PCDHA1: variants seen among roughly 807,000 people sequenced by gnomAD.
The protein encoded by PCDHA1 is protocadherin alpha 1.
A neutral mutation model predicts 61.3 loss-of-function variants in PCDHA1; 42 were observed. That is an observed-to-expected ratio of 0.69 (90% CI 0.54 to 0.89). The LOEUF (loss-of-function observed/expected upper bound fraction) is 0.89. Among genes scored for constraint, PCDHA1 ranks in the 40% least tolerant of loss-of-function variants. The probability of loss-of-function intolerance (pLI) is 0.00; values close to 1 mark genes in which losing one functional copy is unlikely to be tolerated. For missense variants in PCDHA1, 1,256 were observed against 1,235.3 expected (o/e 1.02, Z -0.25); for synonymous variants, 610 against 553.8 (o/e 1.10, Z -1.43).
At position 140,788,065 on chromosome 5, in the gene PCDHA1, C is replaced by A; in HGVS notation, c.1775C>A (p.Ala592Glu). 1 of 1,613,944 alleles carries A rather than the reference C, an allele frequency of 6.2e-7. No homozygotes were observed. Among genetic ancestry groups the A allele is most frequent in the Non-Finnish European group, 8.5e-7 (1 of 1,179,902 alleles). ...PRLVGAGHVV[A>E]KVRAVDADSG... ...TTGGTGGGTGCGGGTCATGTGGTGG[C>A]GAAGGTGCGCGCAGTGGACGCCGAC... is the stretch of plus-strand genomic sequence containing the variant. Residue 592 changes from alanine (A) to glutamate (E), a missense_variant, in exon 1 of 4, where the codon GCG (alanine) becomes GAG (glutamate). Ala to Glu is a moderately radical substitution (Grantham distance 107). Transcript: ENST00000504120.
chr5:140,906,720 G>A (rs2072884338), intron 1 of PCDHA1, among the ~76,000 whole-genome samples: 1 of 152,182 alleles, frequency 6.6e-6, no homozygotes, highest in African/African-American at 2.4e-5. Context: ...CCTGGATTGT[G>A]CTGTTGTAGT....
chr5:140,882,966 T>C (rs201472469), intron 1 of PCDHA1: 3 of 1,614,202 alleles, frequency 1.9e-6, no homozygotes, highest in Non-Finnish European at 8.5e-7. Context: ...ATCACGATTC[T>C]GGACGTGAAT....
At chr5:140,857,806 G>A (rs1554150689) in intron 1 of PCDHA1, 2 of 1,597,702 alleles carry the variant, frequency 1.3e-6, no homozygotes, top group African/African-American at 1.3e-5. Flanking sequence ...CGGTGGTTGC[G>A]GGTCACGTGG....
intron 1 of PCDHA1, among the ~76,000 whole-genome samples, chr5:140,913,939 A>G (rs1175115466): frequency 1.3e-5 from 2 of 152,116 alleles, no homozygotes. Flanking sequence ...TCAGAGAAGA[A>G]TCTTGATATG....
rs1451679036 is a variant in PCDHA1, at chr5:140,876,215, A to C, written c.2394+87531A>C. On this transcript the variant is annotated intron_variant, in intron 1 of 3. Coordinates refer to ENST00000504120, the MANE Select transcript of PCDHA1 (RefSeq NM_018900.4). ...CCGGCGTTTGATAAGCCCAGCTATA[A>C]AGTAGTGTTGTCTGAAAATGTCCAA... The C allele has an allele frequency of 1.2e-6, 2 of 1,613,890 alleles. No homozygotes were observed. The highest frequency in any genetic ancestry group is 1.7e-6 in the Non-Finnish European group (2 of 1,179,898).
At chr5:140,902,203 C>CTTTTTT (rs148688132) in intron 1 of PCDHA1, among the ~76,000 whole-genome samples, 15 of 124,432 alleles carry the variant, frequency 1.2e-4, no homozygotes, top group Non-Finnish European at 2.0e-4. Flanking sequence ...CTCTCTCTTT[C>CTTTTTT]TTTTTTTTTT....
intron 1 of PCDHA1, among the ~76,000 whole-genome samples, chr5:140,819,727 T>C (rs1196998494): frequency 6.6e-6 from 1 of 152,070 alleles, no homozygotes; most frequent in African/African-American, 2.4e-5. Flanking sequence ...TTAACAGATA[T>C]GAAAGTGAAT....
At chr5:140,968,683 A>G (rs782664501) in intron 1 of PCDHA1, 7 of 1,614,164 alleles carry the variant, frequency 4.3e-6, no homozygotes. Flanking sequence ...AGCTGCACAC[A>G]GGAGAAATTA....
chr5:140,999,678 G>A (rs1204037119), intron 3 of PCDHA1, among the ~76,000 whole-genome samples: 2 of 152,112 alleles, frequency 1.3e-5, no homozygotes, highest in East Asian at 1.9e-4. Context: ...GGGGCTCACA[G>A]AAAGAAGAAA....
chr5:140,878,890 T>C (rs1219933788), intron 1 of PCDHA1, among the ~76,000 whole-genome samples: 1 of 152,242 alleles, frequency 6.6e-6, no homozygotes, highest in East Asian at 1.9e-4. Flanking sequence ...TAGCTGAGAC[T>C]ACAGGCAGGC....
At chr5:140,969,522 T>C in intron 1 of PCDHA1, 5 of 1,397,290 alleles carry the variant, frequency 3.6e-6, no homozygotes, top group Non-Finnish European at 4.7e-6. Context: ...AAGAATTGTT[T>C]TATTTTTCAT....
intron 1 of PCDHA1, chr5:140,870,574 T>C (rs1429082420): frequency 6.2e-7 from 1 of 1,613,934 alleles, no homozygotes; most frequent in Non-Finnish European, 8.5e-7. Flanking sequence ...GCTGGTGTCC[T>C]ACTCGCTGGT....
chr5:140,993,266 T>G (rs1049781348), intron 3 of PCDHA1, among the ~76,000 whole-genome samples: 1 of 152,182 alleles, frequency 6.6e-6, no homozygotes, highest in Non-Finnish European at 1.5e-5. Flanking sequence ...AATTAGCTTC[T>G]TTGGTCTTTT....
intron 1 of PCDHA1, chr5:140,966,476 C>T (rs1326063829): frequency 1.8e-5 from 8 of 432,854 alleles, no homozygotes; most frequent in Non-Finnish European, 2.8e-5. Flanking sequence ...CTTCTGTTTC[C>T]TTTTCCCTCC....
intron 1 of PCDHA1, chr5:140,868,773 G>A (rs1343929561): frequency 7.6e-6 from 2 of 262,984 alleles, no homozygotes; most frequent in African/African-American, 4.4e-5. Flanking sequence ...GTTTCAATAT[G>A]ACTTATAATC....
intron 1 of PCDHA1, chr5:140,869,089 C>G: frequency 6.3e-7 from 1 of 1,588,998 alleles, no homozygotes; most frequent in Non-Finnish European, 8.6e-7. Context: ...ATTTTGGAAG[C>G]CAATTTCGTA....
chr5:140,857,377 G>C (rs1347476888), intron 1 of PCDHA1: 3 of 1,598,472 alleles, frequency 1.9e-6, no homozygotes, highest in Non-Finnish European at 1.7e-6. Flanking sequence ...TGTCTGTGGA[G>C]GTGGCCGACG....
rs1554262487 is a variant in PCDHA1, at chr5:141,009,847, G to T, written c.2763G>T (p.Glu921Asp). ...TCATAACCTTCGGCAAAAAGGAGGA[G>T]ACCAAGAAAAAGAAGAAAAAGAAGA... ...SDFITFGKKE[E>D]TKKKKKKKKG... Residue 921 changes from glutamate (E) to aspartate (D), a missense_variant, in exon 4 of 4, where the codon GAG (glutamate) becomes GAT (aspartate). Glu to Asp is a conservative substitution (Grantham distance 45). Coordinates refer to ENST00000504120, the MANE Select transcript of PCDHA1 (RefSeq NM_018900.4). 1 of 1,613,870 alleles carries T rather than the reference G, an allele frequency of 6.2e-7. No homozygotes were observed. Among genetic ancestry groups the T allele is most frequent in the Non-Finnish European group, 8.5e-7 (1 of 1,180,010 alleles).
At chr5:140,967,481 G>C (rs1554229603) in intron 1 of PCDHA1, 2 of 1,613,426 alleles carry the variant, frequency 1.2e-6, no homozygotes, top group Admixed American at 1.7e-5. Flanking sequence ...AGCCCGCTCG[G>C]GTACGGCACA....
Sources: allele counts gnomAD v4.1 joint callset (sites outside exome capture counted in the v4.1 genomes callset), GRCh38; gene constraint gnomAD v4.1.1; transcripts MANE v1.5; gene names NCBI Gene and HGNC (gene_info 2026-07-23, HGNC 2026-07-21).